IRAG1: variants seen among roughly 807,000 people sequenced by gnomAD.
IRAG1 encodes inositol 1,4,5-triphosphate receptor associated 1.
A neutral mutation model predicts 106.2 loss-of-function variants in IRAG1; 62 were observed. The observed-to-expected ratio is 0.58, with a 90% CI of 0.48 to 0.72. The LOEUF (loss-of-function observed/expected upper bound fraction) is 0.72. IRAG1 is among the 30% of genes least tolerant of loss of function. The pLI, the probability that IRAG1 is intolerant of heterozygous loss-of-function variation, is 0.00. For missense variants in IRAG1, 1,064 were observed against 1,140.7 expected, an observed-to-expected ratio of 0.93 and a Z score of 0.97; for synonymous variants, 462 against 443.9, an observed-to-expected ratio of 1.04 and a Z score of -0.51.
At chr11:10,686,434 T>C (rs1861661138) in intron 1 of IRAG1, among the ~76,000 whole-genome samples, 1 of 152,142 alleles carries the variant, frequency 6.6e-6, no homozygotes, top group African/African-American at 2.4e-5. Context: ...TTTTTCCTTC[T>C]AAATAGAGGA....
chr11:10,580,045 C>T (rs964007880), intron 20 of IRAG1, among the ~76,000 whole-genome samples: 2 of 152,206 alleles, frequency 1.3e-5, no homozygotes, highest in African/African-American at 2.4e-5. Context: ...AAGAAACTCA[C>T]TCCAGGGCTT....
intron 1 of IRAG1, among the ~76,000 whole-genome samples, chr11:10,683,738 C>T (rs1376983436): frequency 6.6e-6 from 1 of 152,220 alleles, no homozygotes; most frequent in Non-Finnish European, 1.5e-5. Context: ...TCCTTAGCTA[C>T]AGCTCATTCT....
chr11:10,625,662 A>T (rs1254495513), intron 9 of IRAG1, among the ~76,000 whole-genome samples: 1 of 152,108 alleles, frequency 6.6e-6, no homozygotes, highest in Non-Finnish European at 1.5e-5. Flanking sequence ...GCAGCCCAGG[A>T]CTGAGGGGCC....
chr11:10,594,831 C>G (rs760189855), intron 15 of IRAG1, among the ~76,000 whole-genome samples: 8 of 152,148 alleles, frequency 5.3e-5, no homozygotes, highest in Non-Finnish European at 1.2e-4. Flanking sequence ...TTCAGTTTAA[C>G]CAATATCATT....
At chr11:10,619,409 A>G (rs540018971) in intron 10 of IRAG1, among the ~76,000 whole-genome samples, 4 of 152,346 alleles carry the variant, frequency 2.6e-5, no homozygotes, top group Middle Eastern at 6.8e-3. Flanking sequence ...TATAAATACA[A>G]TCTGAGCCAG....
chr11:10,655,028 T>A (rs895542283), intron 1 of IRAG1, among the ~76,000 whole-genome samples: 1 of 152,192 alleles, frequency 6.6e-6, no homozygotes, highest in Admixed American at 6.6e-5. Context: ...AGCAGTGGCA[T>A]CAGTGGTGCT....
chr11:10,661,638 C>T (rs1456031667), intron 1 of IRAG1, among the ~76,000 whole-genome samples: 1 of 152,200 alleles, frequency 6.6e-6, no homozygotes. Flanking sequence ...AGCAGAGTCG[C>T]TGGCATCTTT....
chr11:10,631,943 C>G, intron 4 of IRAG1, 48 bp downstream of exon 4: 2 of 1,545,176 alleles, frequency 1.3e-6, no homozygotes, highest in South Asian at 2.2e-5. Context: ...GCCACGCTGC[C>G]AGACCTGTCT....
chr11:10,580,710 AC>A (rs1386348092), intron 19 of IRAG1, 121 bp from the exon 20 acceptor site: 5 of 1,221,856 alleles, frequency 4.1e-6, no homozygotes, highest in Non-Finnish European at 5.6e-6. Flanking sequence ...CTATGGTTCC[AC>A]AAAACAGGAA....
intron 10 of IRAG1, among the ~76,000 whole-genome samples, chr11:10,623,258 A>T (rs1855977055): frequency 6.6e-6 from 1 of 152,160 alleles, no homozygotes; most frequent in African/African-American, 2.4e-5. Context: ...GGCAGAGGTG[A>T]GTGCAGAGAG....
intron 10 of IRAG1, among the ~76,000 whole-genome samples, chr11:10,616,244 G>C (rs1039154213): frequency 6.2e-5 from 9 of 145,716 alleles, no homozygotes; most frequent in African/African-American, 2.3e-4. Flanking sequence ...AGTGAGCTGA[G>C]ATGGCACCAC....
Position 10,652,066 on chromosome 11 carries a change from G to A in IRAG1, c.184C>T (p.Pro62Ser), listed in dbSNP as rs556153702. 2.1e-5 allele frequency: 34 copies of A among 1,596,146 alleles called. No individual in the cohort carries two copies. The South Asian group carries it at 3.6e-4, about 17-fold the overall frequency. ...AMPHIPEDEEPPGEPQAAQSP... is the reference protein window; with the variant it reads ...AMPHIPEDEESPGEPQAAQSP... ...TGGGCTGCCTGTGGCTCTCCGGGGG[G>A]CTCCTCGTCCTCGGGAATGTGGGGC... The change falls in exon 2 of 21, where the codon CCC becomes TCC. Residue 62 changes from proline to serine, a missense_variant. Physicochemically the swap from Pro to Ser is moderately conservative, Grantham distance 74. Coordinates refer to ENST00000423302, the MANE Select transcript of IRAG1 (RefSeq NM_130385.4).
intron 19 of IRAG1, 135 bp downstream of exon 19, chr11:10,581,732 A>T: frequency 9.5e-7 from 1 of 1,056,616 alleles, no homozygotes; most frequent in Non-Finnish European, 1.3e-6. Flanking sequence ...TTTCCTATGT[A>T]GTTCCTTCCT....
intron 2 of IRAG1, among the ~76,000 whole-genome samples, chr11:10,650,795 G>C (rs924118476): frequency 6.6e-6 from 1 of 152,206 alleles, no homozygotes; most frequent in African/African-American, 2.4e-5. Context: ...CTGTCACTTA[G>C]ACATTCAAGG....
chr11:10,619,831 C>G (rs1855700952), intron 10 of IRAG1, among the ~76,000 whole-genome samples: 1 of 152,072 alleles, frequency 6.6e-6, no homozygotes, highest in African/African-American at 2.4e-5. Context: ...GCATCCAGAC[C>G]CTAGAACTGA....
At chr11:10,693,359 A>T in intron 1 of IRAG1, 177 bp downstream of exon 1, 1 of 1,267,388 alleles carries the variant, frequency 7.9e-7, no homozygotes, top group Non-Finnish European at 1.0e-6. Context: ...CTGATTTAAA[A>T]CTTAAGACAG....
At chr11:10,632,571 G>A (rs1309054509) in intron 3 of IRAG1, among the ~76,000 whole-genome samples, 6 of 152,148 alleles carry the variant, frequency 3.9e-5, no homozygotes, top group African/African-American at 1.4e-4. Flanking sequence ...ACTTGGGAAC[G>A]TCTTAGAAAT....
chr11:10,633,386 T>C (rs890188454), intron 3 of IRAG1, among the ~76,000 whole-genome samples: 3 of 152,198 alleles, frequency 2.0e-5, no homozygotes, highest in African/African-American at 7.2e-5. Context: ...AGAATTATCT[T>C]TTTAACTTTT....
chr11:10,684,631 TAA>T (rs1861527748), intron 1 of IRAG1, among the ~76,000 whole-genome samples: 1 of 147,810 alleles, frequency 6.8e-6, no homozygotes, highest in Non-Finnish European at 1.5e-5. Flanking sequence ...ATAATAATAA[TAA>T]TAATAATAAT....
Sources: allele counts gnomAD v4.1 joint callset (sites outside exome capture counted in the v4.1 genomes callset), GRCh38; gene constraint gnomAD v4.1.1; transcripts MANE v1.5; gene names NCBI Gene and HGNC (gene_info 2026-07-23, HGNC 2026-07-21).